SORCS3: variants seen among roughly 807,000 people sequenced by gnomAD.
The protein encoded by SORCS3 is sortilin related VPS10 domain containing receptor 3, also known as VPS10 domain-containing receptor SorCS3.
SORCS3 carries 57 observed loss-of-function variants against 146.3 expected under a neutral mutation model. The ratio of observed to expected loss-of-function variants is 0.39; its 90% CI spans 0.31 to 0.49. The LOEUF (loss-of-function observed/expected upper bound fraction) is 0.49, where lower values mean the gene tolerates loss of function less well. Among genes scored for constraint, SORCS3 ranks in the 20% least tolerant of loss-of-function variants. The pLI is 0.92. For missense variants in SORCS3, 1,341 were observed against 1,575.5 expected (o/e 0.85, Z 2.52); for synonymous variants, 653 against 618.5 (o/e 1.06, Z -0.83).
intron 1 of SORCS3, among the ~76,000 whole-genome samples, chr10:104,822,710 A>T (rs2017888345): frequency 6.6e-6 from 1 of 152,128 alleles, no homozygotes; most frequent in South Asian, 2.1e-4. Context: ...GGCCCTCAAT[A>T]CGCTCTAAGT....
rs1258617373 is a variant in SORCS3 at position 105,129,327 on chromosome 10, T to TTC, written c.1213-10066_1213-10065dup. Among the ~76,000 whole-genome samples the TTC allele has an allele frequency of 2.1e-3, 182 of 86,424 alleles. 1 individual carries two copies. Among genetic ancestry groups the TTC allele is most frequent in the African/African-American group, 4.1e-3 (102 of 24,586 alleles). The allele number at this position is 86,424 out of a possible 152,430, so 56.7% of individuals were successfully genotyped here. A position where few individuals can be genotyped will look rare whatever the true frequency, so the allele number is the denominator to read the frequency against. ...TTTTCTTTCTCTTTTCTTTCTTTCTTTCTCTTTTTTTTTTTTTTTTTTTTT... is the reference window on the plus strand; with the variant it reads ...TTTTCTTTCTCTTTTCTTTCTTTCTTTCTCTCTTTTTTTTTTTTTTTTTTTTT... On this transcript the variant is annotated intron_variant, in intron 7 of 26. Coordinates refer to ENST00000369701, the MANE Select transcript of SORCS3 (RefSeq NM_014978.3).
intron 4 of SORCS3, among the ~76,000 whole-genome samples, chr10:105,002,874 A>C (rs776881439): frequency 6.6e-6 from 1 of 152,230 alleles, no homozygotes; most frequent in African/African-American, 2.4e-5. Flanking sequence ...CAATTGGAAC[A>C]GCAAAATAAG....
chr10:104,757,839 C>T (rs915333183), intron 1 of SORCS3, among the ~76,000 whole-genome samples: 13 of 135,858 alleles, frequency 9.6e-5, no homozygotes, highest in South Asian at 5.1e-4. Context: ...TCTCTACTTG[C>T]GGTTCCCCAC....
chr10:105,036,635 T>G (rs561861458), intron 4 of SORCS3, among the ~76,000 whole-genome samples: 2 of 152,194 alleles, frequency 1.3e-5, no homozygotes, highest in Non-Finnish European at 2.9e-5. Context: ...TTGAAGACTT[T>G]CTGAGGAAGG....
At chr10:104,846,512 C>T (rs1244016460) in intron 2 of SORCS3, among the ~76,000 whole-genome samples, 1 of 152,180 alleles carries the variant, frequency 6.6e-6, no homozygotes, top group Non-Finnish European at 1.5e-5. Context: ...CAGCAGCTGT[C>T]ATGACAAGAT....
At chr10:104,697,841 A>G (rs1037995984) in intron 1 of SORCS3, among the ~76,000 whole-genome samples, 1 of 152,154 alleles carries the variant, frequency 6.6e-6, no homozygotes, top group Admixed American at 6.6e-5. Context: ...TCTATAACAT[A>G]GTAGTTGATC....
chr10:104,816,000 T>C (rs562169381), intron 1 of SORCS3, among the ~76,000 whole-genome samples: 1 of 152,356 alleles, frequency 6.6e-6, no homozygotes, highest in South Asian at 2.1e-4. Context: ...TTAATTGCTT[T>C]TTCTCCCTGT....
chr10:104,766,620 A>T (rs2017182806), intron 1 of SORCS3, among the ~76,000 whole-genome samples: 1 of 152,214 alleles, frequency 6.6e-6, no homozygotes, highest in African/African-American at 2.4e-5. Flanking sequence ...CTGTTGGAGG[A>T]TGCTGTCCTC....
At chr10:105,166,716 A>G (rs1013448609) in intron 12 of SORCS3, among the ~76,000 whole-genome samples, 1 of 152,168 alleles carries the variant, frequency 6.6e-6, no homozygotes, top group African/African-American at 2.4e-5. Context: ...GGATTCATAG[A>G]CACCCAACAT....
intron 14 of SORCS3, among the ~76,000 whole-genome samples, chr10:105,180,495 G>A (rs2056436671): frequency 1.3e-5 from 2 of 152,162 alleles, no homozygotes; most frequent in South Asian, 4.1e-4. Flanking sequence ...GAGGGTGGCT[G>A]GGTGTTAAGG....
At chr10:104,887,123 C>T (rs2018696954) in intron 2 of SORCS3, among the ~76,000 whole-genome samples, 1 of 152,152 alleles carries the variant, frequency 6.6e-6, no homozygotes, top group African/African-American at 2.4e-5. Flanking sequence ...GATTCACATG[C>T]AGTGATTATA....
chr10:104,868,497 G>A (rs2018483980), intron 2 of SORCS3, among the ~76,000 whole-genome samples: 1 of 152,198 alleles, frequency 6.6e-6, no homozygotes, highest in Non-Finnish European at 1.5e-5. Context: ...TTGCATTTCA[G>A]ATAGAGACCG....
intron 4 of SORCS3, among the ~76,000 whole-genome samples, chr10:105,009,527 C>CAAAAAAAAAAAAAAAA (rs35368294): frequency 4.8e-5 from 5 of 105,142 alleles, no homozygotes; most frequent in Non-Finnish European, 8.2e-5. Flanking sequence ...AACAAACAAA[C>CAAAAAAAAAAAAAAAA]AAAAAAAAAA....
At chr10:105,089,666 C>T in intron 5 of SORCS3, 109 bp from the exon 6 acceptor site, 3 of 825,398 alleles carry the variant, frequency 3.6e-6, no homozygotes, top group Non-Finnish European at 6.2e-6. Context: ...CAGGATGGTC[C>T]TCTTTGAGAA....
intron 2 of SORCS3, among the ~76,000 whole-genome samples, chr10:104,876,522 A>G (rs1048448810): frequency 2.0e-5 from 3 of 152,226 alleles, no homozygotes; most frequent in Non-Finnish European, 4.4e-5. Flanking sequence ...GAAAATAGTA[A>G]TATCTCAGGA....
chr10:105,147,906 T>TTG, intron 9 of SORCS3, 110 bp downstream of exon 9: 1 of 881,442 alleles, frequency 1.1e-6, no homozygotes, highest in Non-Finnish European at 1.7e-6. Flanking sequence ...CTGTACCACT[T>TTG]AGCAATTGTA....
At chr10:104,827,015 A>G (rs1482259332) in intron 1 of SORCS3, among the ~76,000 whole-genome samples, 4 of 152,232 alleles carry the variant, frequency 2.6e-5, no homozygotes, top group Non-Finnish European at 5.9e-5. Context: ...AAATTCAGAC[A>G]CATCTTCAGG....
Position 104,985,866 on chromosome 10 carries a change from C to A in SORCS3, c.954+8373C>A, listed in dbSNP as rs1412459930. 1.3e-5 allele frequency among the ~76,000 whole-genome samples: 2 copies of A among 150,000 alleles called. 1 individual carries two copies. The highest frequency in any genetic ancestry group is 1.3e-4 in the Admixed American group (2 of 15,122). On this transcript the variant is annotated intron_variant, in intron 4 of 26. Coordinates refer to ENST00000369701, the MANE Select transcript of SORCS3 (RefSeq NM_014978.3). ...GGCTTAAAATATTCAGTAAACTATA[C>A]TTAAACAGATGTGCTGTCATGCAGG...
rs759206051 is a variant in SORCS3, at chr10:105,238,637, A to C, written c.2869-6905A>C. Among the ~76,000 whole-genome samples, 5 of 152,220 alleles carry C rather than the reference A, an allele frequency of 3.3e-5. No individual in the cohort carries two copies. The South Asian group carries it at 1.0e-3, about 32-fold the overall frequency. ...ATGACAGATGGCTTTGAATGATAAA[A>C]ATTGATGCTTTTGCTTTTGTCACAA... is the stretch of plus-strand genomic sequence containing the variant. On this transcript the variant is annotated intron_variant, in intron 20 of 26. Coordinates refer to ENST00000369701, the MANE Select transcript of SORCS3 (RefSeq NM_014978.3).
Sources: gnomAD v4.1 joint callset for allele counts (sites outside exome capture counted in the v4.1 genomes callset) on GRCh38, gnomAD v4.1.1 for gene constraint, MANE v1.5 for transcripts, NCBI Gene and HGNC (gene_info 2026-07-23, HGNC 2026-07-21) for gene names.